The following TMEM232 variants were observed in gnomAD, a reference collection of about 807,000 sequenced individuals.
The protein encoded by TMEM232 is transmembrane protein 232.
Under a neutral mutation model 78.8 loss-of-function variants are expected in TMEM232, and 80 were observed. The ratio of observed to expected loss-of-function variants is 1.01; its 90% CI spans 0.85 to 1.22. TMEM232 has a LOEUF of 1.22. Ranked by LOEUF, TMEM232 falls within the 50% of genes most tolerant of loss-of-function variation. TMEM232 has a pLI of 0.00. For synonymous variants in TMEM232, 297 were observed against 254.3 expected (o/e 1.17, Z -1.60); for missense variants, 881 against 742.2 (o/e 1.19, Z -2.17).
At chr5:110,625,477 T>C (rs1163377448) in intron 6 of TMEM232, 44 bp from the exon 7 acceptor site, 1 of 1,448,654 alleles carries the variant, frequency 6.9e-7, no homozygotes, top group Non-Finnish European at 9.1e-7. Flanking sequence ...TTATTAATAT[T>C]TTGCACTGTG....
rs144635115 is a variant in TMEM232, at chr5:110,647,770, C to A, written c.126-5399G>T. On this transcript the variant is annotated intron_variant, in intron 2 of 13. Coordinates refer to ENST00000455884, the MANE Select transcript of TMEM232 (RefSeq NM_001039763.4). ...TACTTCCTATAAAATGTTGGTTGTG[C>A]TAACCAATGCAGTAATAGTAATCAT... is the stretch of plus-strand genomic sequence containing the variant. Among the ~76,000 whole-genome samples, 40 of 151,946 alleles carry A rather than the reference C, an allele frequency of 2.6e-4. No homozygotes were observed. The East Asian group carries it at 6.8e-3, about 26-fold the overall frequency.
Position 110,684,454 on chromosome 5 carries a change from A to G in TMEM232, c.-12-17090T>C, listed in dbSNP as rs544542447. 1.9e-3 allele frequency among the ~76,000 whole-genome samples: 284 copies of G among 152,218 alleles called. 1 individual carries two copies. Among genetic ancestry groups the G allele is most frequent in the Non-Finnish European group, 3.1e-3 (209 of 67,984 alleles). On this transcript the variant is annotated intron_variant, in intron 1 of 13. Coordinates refer to ENST00000455884, the MANE Select transcript of TMEM232 (RefSeq NM_001039763.4). The stretch of plus-strand genomic sequence containing the variant: ...TCTCTAAAAGCAACTTTGAAGGACT[A>G]AAGAAGGAAACGTGAAATCCAAGAT...
At chr5:110,623,349 A>C (rs1489266714) in intron 7 of TMEM232, among the ~76,000 whole-genome samples, 1 of 152,204 alleles carries the variant, frequency 6.6e-6, no homozygotes, top group East Asian at 1.9e-4. Flanking sequence ...ATATAGGAAC[A>C]CTAAAAATCA....
At chr5:110,402,723 C>T (rs1755647682) in intron 2 of TMEM232, among the ~76,000 whole-genome samples, 1 of 152,180 alleles carries the variant, frequency 6.6e-6, no homozygotes, top group Non-Finnish European at 1.5e-5. Context: ...TTTTCTTATT[C>T]TTTCATCCAT....
chr5:110,528,799 A>G lies in TMEM232; in HGVS notation c.1492T>C (p.Tyr498His). 6.6e-7 allele frequency: 1 copy of G among 1,520,520 alleles called. No individual in the cohort carries two copies. Among genetic ancestry groups the G allele is most frequent in the Non-Finnish European group, 8.8e-7 (1 of 1,139,040 alleles). 94.2% of individuals were successfully genotyped at this position (1,520,520 alleles called of 1,614,324 possible). Residue 498 changes from tyrosine to histidine, a missense_variant, in exon 12 of 14, where the codon TAT becomes CAT. Tyr to His is a moderately conservative substitution (Grantham distance 83). Coordinates refer to ENST00000455884, the MANE Select transcript of TMEM232 (RefSeq NM_001039763.4). Reference sequence around the variant, plus strand: ...ACATTTGATGAAATATTTGTACTATATCTAGTGAAAGGATCAGTTGGGTCA... The same window carrying G: ...ACATTTGATGAAATATTTGTACTATGTCTAGTGAAAGGATCAGTTGGGTCA... ...LNDPTDPFTR[Y>H]STNISSNVGE...
chr5:110,424,948 T>C, intron 12 of TMEM232, 32 bp from the exon 13 acceptor site: 1 of 1,429,032 alleles, frequency 7.0e-7, no homozygotes, highest in Non-Finnish European at 9.6e-7. Context: ...AATCCAACAT[T>C]AGGTATAGGT....
chr5:110,440,272 A>C (rs1758885351), intron 12 of TMEM232, among the ~76,000 whole-genome samples: 1 of 152,176 alleles, frequency 6.6e-6, no homozygotes, highest in Non-Finnish European at 1.5e-5. Flanking sequence ...TTCTTACACC[A>C]ATTGAAACTG....
chr5:110,673,513 T>C (rs1791631298), intron 1 of TMEM232, among the ~76,000 whole-genome samples: 1 of 152,164 alleles, frequency 6.6e-6, no homozygotes, highest in African/African-American at 2.4e-5. Flanking sequence ...TAAGGTCGAT[T>C]GGAAAATTCT....
intron 2 of TMEM232, among the ~76,000 whole-genome samples, chr5:110,414,193 C>G (rs1193268681): frequency 6.6e-6 from 1 of 152,078 alleles, no homozygotes; most frequent in African/African-American, 2.4e-5. Context: ...TATTTTTGTT[C>G]TTCACTTGTC....
At chr5:110,528,264 A>G (rs1278966893) in intron 12 of TMEM232, among the ~76,000 whole-genome samples, 1 of 151,958 alleles carries the variant, frequency 6.6e-6, no homozygotes, top group Admixed American at 6.6e-5. Context: ...ATGTATATAT[A>G]TGTATGTATA....
chr5:110,723,361 T>C (rs1797836305), intron 1 of TMEM232, among the ~76,000 whole-genome samples: 1 of 152,158 alleles, frequency 6.6e-6, no homozygotes. Flanking sequence ...GCTGTGTGCT[T>C]TCCTGTTTGG....
chr5:110,492,955 C>G (rs1431763429), intron 12 of TMEM232, among the ~76,000 whole-genome samples: 1 of 151,818 alleles, frequency 6.6e-6, no homozygotes, highest in African/African-American at 2.4e-5. Context: ...AGAGGCAGTA[C>G]ACATAAAACA....
chr5:110,452,497 C>T, intron 12 of TMEM232, among the ~76,000 whole-genome samples: 1 of 152,086 alleles, frequency 6.6e-6, no homozygotes, highest in East Asian at 1.9e-4. Flanking sequence ...TAAAATGAAC[C>T]AGGTCAGTGT....
At chr5:110,467,883 T>TTTG (rs1762250144) in intron 12 of TMEM232, among the ~76,000 whole-genome samples, 1 of 152,140 alleles carries the variant, frequency 6.6e-6, no homozygotes, top group African/African-American at 2.4e-5. Context: ...GCAGGGTTCT[T>TTTG]TTGTTGTTTG....
chr5:110,697,862 T>G (rs1324815252), intron 1 of TMEM232, among the ~76,000 whole-genome samples: 3 of 152,192 alleles, frequency 2.0e-5, no homozygotes, highest in African/African-American at 7.2e-5. Context: ...GTTCAACCAT[T>G]CTGGAAGTCA....
At chr5:110,439,780 C>A (rs1321983307) in intron 12 of TMEM232, among the ~76,000 whole-genome samples, 1 of 152,018 alleles carries the variant, frequency 6.6e-6, no homozygotes, top group Non-Finnish European at 1.5e-5. Context: ...CTATGTTCCA[C>A]CGAAGCAATT....
intron 3 of TMEM232, among the ~76,000 whole-genome samples, chr5:110,397,264 A>C (rs1310423405): frequency 6.6e-6 from 1 of 152,170 alleles, no homozygotes; most frequent in African/African-American, 2.4e-5. Flanking sequence ...TTTAAAATTT[A>C]AATGTTATAC....
intron 11 of TMEM232, among the ~76,000 whole-genome samples, chr5:110,544,743 TGTC>T (rs1459136547): frequency 5.9e-5 from 9 of 152,116 alleles, no homozygotes; most frequent in Admixed American, 5.2e-4. Flanking sequence ...CTCAAAGTAG[TGTC>T]ATAAGATTAT....
At chr5:110,460,552 C>G (rs538315757) in intron 12 of TMEM232, among the ~76,000 whole-genome samples, 2 of 152,072 alleles carry the variant, frequency 1.3e-5, no homozygotes, top group African/African-American at 2.4e-5. Flanking sequence ...TTTTGGGACA[C>G]TAAAAATATT....
Sources: allele counts gnomAD v4.1 joint callset (sites outside exome capture counted in the v4.1 genomes callset), GRCh38; gene constraint gnomAD v4.1.1; transcripts MANE v1.5; gene names NCBI Gene and HGNC (gene_info 2026-07-23, HGNC 2026-07-21).